Variants in ASTN2 observed in about 807,000 individuals in gnomAD.
The protein encoded by ASTN2 is astrotactin 2.
Under a neutral mutation model 139.8 loss-of-function variants are expected in ASTN2, and 54 were observed. The ratio of observed to expected loss-of-function variants is 0.39; its 90% CI spans 0.31 to 0.48. ASTN2 has a LOEUF of 0.48. Among genes scored for constraint, ASTN2 ranks in the 20% least tolerant of loss-of-function variants. The probability of loss-of-function intolerance (pLI) is 0.95; values close to 1 mark genes in which losing one functional copy is unlikely to be tolerated. For synonymous variants in ASTN2, 756 were observed against 719.5 expected, an observed-to-expected ratio of 1.05 and a Z score of -0.81; for missense variants, 1,565 against 1,725.1, an observed-to-expected ratio of 0.91 and a Z score of 1.64.
At chr9:116,827,566 C>T (rs886544064) in intron 11 of ASTN2, among the ~76,000 whole-genome samples, 9 of 152,024 alleles carry the variant, frequency 5.9e-5, no homozygotes, top group East Asian at 1.9e-4. Flanking sequence ...ACTGATGCCA[C>T]GGAAATACAA....
intron 5 of ASTN2, among the ~76,000 whole-genome samples, chr9:117,071,612 C>A (rs1587931711): frequency 6.7e-6 from 1 of 149,706 alleles, no homozygotes; most frequent in Non-Finnish European, 1.5e-5. Context: ...CCCCCAGCCT[C>A]GCTGCCGCCT....
At chr9:117,137,937 C>A (rs1829991141) in intron 4 of ASTN2, among the ~76,000 whole-genome samples, 1 of 152,088 alleles carries the variant, frequency 6.6e-6, no homozygotes, top group African/African-American at 2.4e-5. Context: ...GTCAGTGAGT[C>A]TAAGGGGGAA....
At chr9:117,352,471 C>A (rs1829419282) in intron 1 of ASTN2, among the ~76,000 whole-genome samples, 1 of 152,124 alleles carries the variant, frequency 6.6e-6, no homozygotes, top group African/African-American at 2.4e-5. Flanking sequence ...CAGAGCTGAG[C>A]TAATGAGACC....
chr9:117,287,687 T>C (rs184324674), intron 2 of ASTN2, among the ~76,000 whole-genome samples: 1 of 152,338 alleles, frequency 6.6e-6, no homozygotes, highest in East Asian at 1.9e-4. Context: ...TGTCAGGTAT[T>C]ATGATTATTT....
At chr9:116,704,144 G>A (rs981486843) in intron 16 of ASTN2, among the ~76,000 whole-genome samples, 3 of 152,128 alleles carry the variant, frequency 2.0e-5, no homozygotes, top group Non-Finnish European at 4.4e-5. Flanking sequence ...GTGACCTCAG[G>A]TGATCACCAT....
intron 1 of ASTN2, among the ~76,000 whole-genome samples, chr9:117,330,970 A>G (rs1364577107): frequency 6.6e-6 from 1 of 152,194 alleles, no homozygotes; most frequent in Admixed American, 6.5e-5. Flanking sequence ...GCCATGCACA[A>G]CATAGCAACA....
intron 3 of ASTN2, among the ~76,000 whole-genome samples, chr9:117,144,080 G>A (rs1255807867): frequency 6.6e-6 from 1 of 152,118 alleles, no homozygotes; most frequent in Non-Finnish European, 1.5e-5. Flanking sequence ...AATCTGATAG[G>A]ATAGGTGGCC....
At chr9:116,495,866 G>A (rs980721472) in intron 19 of ASTN2, among the ~76,000 whole-genome samples, 7 of 152,008 alleles carry the variant, frequency 4.6e-5, no homozygotes, top group Non-Finnish European at 7.4e-5. Flanking sequence ...CTGCTTCCTC[G>A]GGCCCCTTCT....
intron 19 of ASTN2, among the ~76,000 whole-genome samples, chr9:116,537,273 C>T (rs1292842274): frequency 1.3e-5 from 2 of 152,212 alleles, no homozygotes; most frequent in African/African-American, 2.4e-5. Context: ...ATTTGGCCAT[C>T]TTGGAACCCA....
intron 3 of ASTN2, among the ~76,000 whole-genome samples, chr9:117,192,860 CTGT>C (rs1243243570): frequency 6.6e-6 from 1 of 152,196 alleles, no homozygotes; most frequent in Admixed American, 6.5e-5. Context: ...GAACAAGGTT[CTGT>C]GTCTCTCAAA....
chr9:116,833,014 T>C (rs1831866909), intron 11 of ASTN2, among the ~76,000 whole-genome samples: 1 of 146,522 alleles, frequency 6.8e-6, no homozygotes. Context: ...ATTTCTCCAG[T>C]GAAACTATCC....
intron 2 of ASTN2, among the ~76,000 whole-genome samples, chr9:117,285,979 A>G (rs974117299): frequency 5.9e-5 from 9 of 152,214 alleles, no homozygotes; most frequent in African/African-American, 2.2e-4. Flanking sequence ...GAAAAAACAA[A>G]AGCGCCAAGA....
At chr9:117,221,598 A>T (rs571142139) in intron 2 of ASTN2, among the ~76,000 whole-genome samples, 2 of 151,072 alleles carry the variant, frequency 1.3e-5, no homozygotes, top group African/African-American at 4.9e-5. Context: ...CAGAGCTGTG[A>T]ACATGCATAT....
At chr9:116,882,897 A>G (rs1385850142) in intron 10 of ASTN2, among the ~76,000 whole-genome samples, 1 of 152,142 alleles carries the variant, frequency 6.6e-6, no homozygotes, top group Non-Finnish European at 1.5e-5. Flanking sequence ...GATAATTCTC[A>G]GTGCCGAAGG....
chr9:117,177,370 T>C (rs975262761), intron 3 of ASTN2, among the ~76,000 whole-genome samples: 1 of 152,154 alleles, frequency 6.6e-6, no homozygotes, highest in Admixed American at 6.5e-5. Context: ...AGCTGTGAAG[T>C]GGAGAAACCT....
At chr9:117,049,168 A>AT (rs905853308) in intron 5 of ASTN2, among the ~76,000 whole-genome samples, 7 of 151,938 alleles carry the variant, frequency 4.6e-5, no homozygotes, top group African/African-American at 1.7e-4. Context: ...GAGTTTCACC[A>AT]TGTTGCACAG....
intron 4 of ASTN2, among the ~76,000 whole-genome samples, chr9:117,104,422 G>A (rs1186163026): frequency 6.6e-6 from 1 of 152,100 alleles, no homozygotes; most frequent in East Asian, 1.9e-4. Context: ...CTCCACTTGT[G>A]TAAATTTATA....
chr9:116,516,930 A>T (rs957114986), intron 19 of ASTN2, among the ~76,000 whole-genome samples: 1 of 152,114 alleles, frequency 6.6e-6, no homozygotes, highest in Admixed American at 6.5e-5. Flanking sequence ...TGGCCTGGGA[A>T]CCATACCCCA....
chr9:117,099,093 C>A (rs10983520), intron 4 of ASTN2, among the ~76,000 whole-genome samples: 36,952 of 135,802 alleles, frequency 0.27, 4,840 homozygotes, highest in Middle Eastern at 0.47. Context: ...GGTGACAGAG[C>A]GAGACTCCGT....
Sources: allele counts gnomAD v4.1 joint callset (sites outside exome capture counted in the v4.1 genomes callset), GRCh38; gene constraint gnomAD v4.1.1; transcripts MANE v1.5; gene names NCBI Gene and HGNC (gene_info 2026-07-23, HGNC 2026-07-21).